LRP1B: variants seen among roughly 807,000 people sequenced by gnomAD.
LRP1B encodes LDL receptor related protein 1B, also known as low-density lipoprotein receptor-related protein 1B.
Under a neutral mutation model 556.6 loss-of-function variants are expected in LRP1B, and 217 were observed. That is an observed-to-expected ratio of 0.39 (90% CI 0.35 to 0.44). The LOEUF is 0.44. Among genes scored for constraint, LRP1B ranks in the 20% least tolerant of loss-of-function variants. The probability of loss-of-function intolerance (pLI) is 1.00; values close to 1 mark genes in which losing one functional copy is unlikely to be tolerated. For missense variants in LRP1B, 5,053 were observed against 5,620.8 expected, an observed-to-expected ratio of 0.90 and a Z score of 3.23; for synonymous variants, 2,047 against 1,865.8, an observed-to-expected ratio of 1.10 and a Z score of -2.50.
intron 3 of LRP1B, among the ~76,000 whole-genome samples, chr2:141,285,617 G>T (rs1165548201): frequency 6.8e-6 from 1 of 147,852 alleles, no homozygotes; most frequent in Non-Finnish European, 1.5e-5. Flanking sequence ...CACCAAGGCC[G>T]GCTGATTTTT....
chr2:141,955,683 C>A (rs1041771683), intron 1 of LRP1B, among the ~76,000 whole-genome samples: 4 of 151,996 alleles, frequency 2.6e-5, no homozygotes, highest in Non-Finnish European at 2.9e-5. Context: ...TTCCTTCCCT[C>A]CTGAGTCAGC....
intron 65 of LRP1B, among the ~76,000 whole-genome samples, 168 bp downstream of exon 65, chr2:140,444,162 A>T (rs541682600): frequency 3.5e-4 from 53 of 152,242 alleles, no homozygotes; most frequent in Admixed American, 3.3e-3. Flanking sequence ...TTTTCTCTAT[A>T]TTTTTATTTA....
At chr2:140,450,915 G>T (rs528297795) in intron 62 of LRP1B, among the ~76,000 whole-genome samples, 3 of 152,120 alleles carry the variant, frequency 2.0e-5, no homozygotes, top group African/African-American at 2.4e-5. Flanking sequence ...CATGTTTTCT[G>T]CAGAGCTACT....
intron 1 of LRP1B, among the ~76,000 whole-genome samples, chr2:142,110,264 T>C (rs898176277): frequency 1.2e-4 from 18 of 152,230 alleles, no homozygotes; most frequent in African/African-American, 4.1e-4. Context: ...TGTTTATTTA[T>C]AAGGCAAATG....
chr2:141,103,845 T>C (rs534380299), intron 7 of LRP1B, among the ~76,000 whole-genome samples: 21 of 151,940 alleles, frequency 1.4e-4, no homozygotes, highest in African/African-American at 5.1e-4. Flanking sequence ...TTTCTGGTGG[T>C]TTTGGTTTTA....
chr2:141,610,302 A>G (rs928094557), intron 2 of LRP1B, among the ~76,000 whole-genome samples: 7 of 150,132 alleles, frequency 4.7e-5, no homozygotes, highest in African/African-American at 1.7e-4. Context: ...ATGTATTATT[A>G]TACTTTAAAA....
intron 2 of LRP1B, among the ~76,000 whole-genome samples, chr2:141,491,351 G>T (rs1289810801): frequency 6.6e-6 from 1 of 152,098 alleles, no homozygotes; most frequent in African/African-American, 2.4e-5. Flanking sequence ...TACTCAATTT[G>T]CTGATTTAAG....
At chr2:140,642,351 A>T (rs1261611246) in intron 41 of LRP1B, among the ~76,000 whole-genome samples, 1 of 152,120 alleles carries the variant, frequency 6.6e-6, no homozygotes, top group East Asian at 1.9e-4. Context: ...GTCTCCTGAG[A>T]TTTTGGTGAG....
In LRP1B at chr2:140,700,254, A is replaced by C; in HGVS notation, c.6795T>G (p.Val2265=). The C allele has an allele frequency of 6.2e-7, 1 of 1,608,912 alleles. No individual in the cohort carries two copies. The highest frequency in any genetic ancestry group is 1.1e-5 in the South Asian group (1 of 90,786). ...AAATTGAATTACTGTACTTACTTTC[A>C]ACAATTACTTGTCTGTCTTCCCAGT... is the stretch of plus-strand genomic sequence containing the variant. ...KDNWEDRQVI[V]ENVGSVEGLA... is the part of the protein sequence containing the mutation. Residue 2265 remains valine, a synonymous_variant, in exon 41 of 91, where the codon GTT becomes GTG. Coordinates refer to ENST00000389484, the MANE Select transcript of LRP1B (RefSeq NM_018557.3).
At chr2:140,750,033 C>A (rs1688515194) in intron 35 of LRP1B, among the ~76,000 whole-genome samples, 1 of 151,868 alleles carries the variant, frequency 6.6e-6, no homozygotes, top group Non-Finnish European at 1.5e-5. Flanking sequence ...CCATTGTTGA[C>A]AAACATGTCA....
intron 1 of LRP1B, among the ~76,000 whole-genome samples, chr2:141,917,315 A>G (rs2104965291): frequency 6.6e-6 from 1 of 152,256 alleles, no homozygotes; most frequent in Admixed American, 6.5e-5. Context: ...GCTATTAACA[A>G]CTGAGAAATG....
At chr2:141,517,990 AATGAGGAG>A (rs1684386032) in intron 2 of LRP1B, among the ~76,000 whole-genome samples, 2 of 152,314 alleles carry the variant, frequency 1.3e-5, no homozygotes, top group South Asian at 4.1e-4. Flanking sequence ...CATCACTAGA[AATGAGGAG>A]ATAAGCTAAA....
chr2:141,404,899 T>A (rs1690577765), intron 3 of LRP1B, among the ~76,000 whole-genome samples: 1 of 152,080 alleles, frequency 6.6e-6, no homozygotes. Context: ...TTTTTTTTTT[T>A]ACCATAGATA....
chr2:141,493,234 C>T (rs1409306833), intron 2 of LRP1B, among the ~76,000 whole-genome samples: 1 of 152,134 alleles, frequency 6.6e-6, no homozygotes, highest in African/African-American at 2.4e-5. Flanking sequence ...TTCTTTATTA[C>T]TGTACTACAT....
intron 3 of LRP1B, among the ~76,000 whole-genome samples, chr2:141,363,341 T>G (rs1192187745): frequency 2.0e-5 from 3 of 152,164 alleles, no homozygotes; most frequent in African/African-American, 7.2e-5. Flanking sequence ...AGAACATATT[T>G]CTTTCTCTAT....
At chr2:140,732,007 T>C (rs915812015) in intron 35 of LRP1B, among the ~76,000 whole-genome samples, 4 of 152,122 alleles carry the variant, frequency 2.6e-5, no homozygotes, top group Admixed American at 2.6e-4. Flanking sequence ...TTACAAAAAA[T>C]GTTTGGCAAG....
intron 1 of LRP1B, among the ~76,000 whole-genome samples, chr2:142,029,152 A>G (rs2105191689): frequency 6.6e-6 from 1 of 151,992 alleles, no homozygotes; most frequent in Non-Finnish European, 1.5e-5. Context: ...CTTGTTAAAC[A>G]GTTTCCAGGC....
intron 41 of LRP1B, among the ~76,000 whole-genome samples, chr2:140,655,254 A>T (rs1006606256): frequency 6.6e-6 from 1 of 152,168 alleles, no homozygotes; most frequent in African/African-American, 2.4e-5. Flanking sequence ...CTTATAAAGT[A>T]CAGTGGTGAC....
intron 66 of LRP1B, among the ~76,000 whole-genome samples, chr2:140,411,008 C>A (rs1009656233): frequency 6.6e-6 from 1 of 152,078 alleles, no homozygotes; most frequent in African/African-American, 2.4e-5. Flanking sequence ...ATACATGTAC[C>A]ACCTTCAGAA....
Sources: allele counts gnomAD v4.1 joint callset (sites outside exome capture counted in the v4.1 genomes callset), GRCh38; gene constraint gnomAD v4.1.1; transcripts MANE v1.5; gene names NCBI Gene and HGNC (gene_info 2026-07-23, HGNC 2026-07-21).